Variants in GPC6 observed in about 807,000 individuals in gnomAD.
GPC6 encodes glypican-6.
GPC6 carries 14 observed loss-of-function variants against 55.2 expected under a neutral mutation model. That is an observed-to-expected ratio of 0.25 (90% CI 0.17 to 0.40). GPC6 has a LOEUF of 0.40. GPC6 is among the 10% of genes least tolerant of loss of function. The probability of loss-of-function intolerance (pLI) is 1.00; values close to 1 mark genes in which losing one functional copy is unlikely to be tolerated. For synonymous variants in GPC6, 278 were observed against 259.6 expected (o/e 1.07, Z -0.68); for missense variants, 641 against 708.5 (o/e 0.90, Z 1.08).
intron 1 of GPC6, among the ~76,000 whole-genome samples, chr13:93,237,913 C>G (rs1452822340): frequency 2.0e-5 from 3 of 152,036 alleles, no homozygotes; most frequent in African/African-American, 7.2e-5. Flanking sequence ...CTATTCTGTT[C>G]TATTGGTCTA....
intron 4 of GPC6, among the ~76,000 whole-genome samples, chr13:94,132,857 C>T (rs17175077): frequency 0.014 from 2,080 of 152,096 alleles, 66 homozygotes; most frequent in East Asian, 0.11. Flanking sequence ...AGTTAAAAGA[C>T]GATTTCAGAG....
At chr13:93,832,176 T>C (rs1336370774) in intron 3 of GPC6, among the ~76,000 whole-genome samples, 3 of 129,036 alleles carry the variant, frequency 2.3e-5, no homozygotes, top group Non-Finnish European at 3.1e-5. Flanking sequence ...AACAATGTTT[T>C]AGATACCAAA....
chr13:93,426,058 C>A (rs1162842359), intron 1 of GPC6, among the ~76,000 whole-genome samples: 2 of 152,152 alleles, frequency 1.3e-5, no homozygotes, highest in East Asian at 3.9e-4. Flanking sequence ...TCACTTAGAG[C>A]CCATTGTACT....
chr13:94,260,806 C>T (rs1457258286), intron 4 of GPC6, among the ~76,000 whole-genome samples: 3 of 151,922 alleles, frequency 2.0e-5, no homozygotes, highest in African/African-American at 2.4e-5. Context: ...ACCTATCAGT[C>T]GGGAGCATGG....
At chr13:93,669,740 A>G (rs530087950) in intron 2 of GPC6, among the ~76,000 whole-genome samples, 2 of 152,298 alleles carry the variant, frequency 1.3e-5, no homozygotes, top group East Asian at 3.9e-4. Context: ...GCAAGAAGTC[A>G]TTGAAACTTC....
chr13:93,333,078 G>C (rs1879910599), intron 1 of GPC6, among the ~76,000 whole-genome samples: 1 of 152,164 alleles, frequency 6.6e-6, no homozygotes, highest in African/African-American at 2.4e-5. Flanking sequence ...TTTTATGCCA[G>C]TGCCATCATG....
In GPC6 at chr13:93,227,617, G is replaced by T; in HGVS notation, c.160+1G>T. 1.9e-6 allele frequency: 3 copies of T among 1,599,820 alleles called. No homozygotes were observed. Among genetic ancestry groups the T allele is most frequent in the Non-Finnish European group, 2.6e-6 (3 of 1,176,006 alleles). On this transcript the variant is annotated splice_donor_variant, in intron 1 of 8. Coordinates refer to ENST00000377047, the MANE Select transcript of GPC6 (RefSeq NM_005708.5). LOFTEE classifies it high-confidence loss of function. The surrounding 1 kb of genome is among the most constrained non-coding windows in gnomAD (Gnocchi z 4.3). ...GACATCCCCTACCAGGAGATCGCAG[G>T]TAAGCGCGGGCGCGCTGCAGGGGCA...
At chr13:93,919,917 C>T (rs1462408224) in intron 3 of GPC6, among the ~76,000 whole-genome samples, 1 of 152,210 alleles carries the variant, frequency 6.6e-6, no homozygotes, top group Non-Finnish European at 1.5e-5. Context: ...AGAAGCCTCT[C>T]GCGTAGACAC....
intron 1 of GPC6, among the ~76,000 whole-genome samples, chr13:93,371,731 G>A (rs936811090): frequency 3.9e-5 from 6 of 152,052 alleles, no homozygotes; most frequent in South Asian, 2.1e-4. Context: ...GCACTAGTGT[G>A]GATAGGCAGG....
chr13:94,161,902 A>T (rs979112096), intron 4 of GPC6, among the ~76,000 whole-genome samples: 1 of 152,132 alleles, frequency 6.6e-6, no homozygotes, highest in African/African-American at 2.4e-5. Context: ...GGAGGAGCAA[A>T]GGCATGTCTT....
chr13:93,792,153 G>A (rs1886059087), intron 2 of GPC6, among the ~76,000 whole-genome samples: 1 of 152,228 alleles, frequency 6.6e-6, no homozygotes, highest in African/African-American at 2.4e-5. Context: ...GAGGAGCAGA[G>A]GGCAGAAAGC....
intron 3 of GPC6, among the ~76,000 whole-genome samples, chr13:93,946,349 C>T (rs1879008112): frequency 1.3e-5 from 2 of 152,104 alleles, no homozygotes; most frequent in African/African-American, 4.8e-5. Flanking sequence ...CCAGGCTGGT[C>T]TTGAACTCCT....
intron 4 of GPC6, among the ~76,000 whole-genome samples, chr13:94,138,867 A>G (rs1039529580): frequency 1.3e-5 from 2 of 152,112 alleles, no homozygotes; most frequent in African/African-American, 4.8e-5. Context: ...GGCTGCAGAG[A>G]TGAAAGACAT....
chr13:93,697,893 ATTTT>A (rs372496419), intron 2 of GPC6, among the ~76,000 whole-genome samples: 11 of 152,256 alleles, frequency 7.2e-5, no homozygotes, highest in African/African-American at 2.2e-4. Flanking sequence ...CTTTATATTT[ATTTT>A]ATGATTATCA....
intron 6 of GPC6, among the ~76,000 whole-genome samples, chr13:94,353,448 G>T (rs981973622): frequency 2.0e-5 from 3 of 152,150 alleles, no homozygotes; most frequent in Admixed American, 6.5e-5. Flanking sequence ...TGGGGATTTG[G>T]GAGAGAAAAT....
At chr13:94,143,776 G>C (rs1398613124) in intron 4 of GPC6, among the ~76,000 whole-genome samples, 1 of 152,126 alleles carries the variant, frequency 6.6e-6, no homozygotes, top group Non-Finnish European at 1.5e-5. Context: ...AGCTACCTGG[G>C]AGGCTAAGAT....
intron 5 of GPC6, among the ~76,000 whole-genome samples, chr13:94,301,656 G>A (rs373619538): frequency 2.0e-5 from 3 of 152,116 alleles, no homozygotes; most frequent in East Asian, 1.9e-4. Context: ...TTTGACAGAC[G>A]AGCAAACTGA....
chr13:93,672,149 T>G (rs1417329539), intron 2 of GPC6, among the ~76,000 whole-genome samples: 4 of 21,606 alleles, frequency 1.9e-4, no homozygotes, highest in Admixed American at 4.4e-4. Context: ...AAGTTCTGGG[T>G]TTTTTTTTTT....
rs899553345 is a variant in GPC6 at position 94,407,946 on chromosome 13, G to C, written c.*4729G>C. 2.6e-5 allele frequency among the ~76,000 whole-genome samples: 4 copies of C among 152,098 alleles called. No individual in the cohort carries two copies. Among genetic ancestry groups the C allele is most frequent in the Non-Finnish European group, 5.9e-5 (4 of 68,010 alleles). ...TGAAAATTATTCATTCCTTAATGCA[G>C]CTAATCATAATTATTACAGATAAAT... On this transcript the variant is annotated 3_prime_UTR_variant, in exon 9 of 9. Coordinates refer to ENST00000377047, the MANE Select transcript of GPC6 (RefSeq NM_005708.5).
Sources: gnomAD v4.1 joint callset for allele counts (sites outside exome capture counted in the v4.1 genomes callset) on GRCh38, gnomAD v4.1.1 for gene constraint, Gnocchi (gnomAD v3.1) non-coding constraint, MANE v1.5 for transcripts, NCBI Gene and HGNC (gene_info 2026-07-23, HGNC 2026-07-21) for gene names.